The following PIK3C2G variants were observed in gnomAD, a reference collection of about 807,000 sequenced individuals.
PIK3C2G encodes phosphatidylinositol-4-phosphate 3-kinase catalytic subunit type 2 gamma, also known as phosphatidylinositol 3-kinase C2 domain-containing subunit gamma.
A neutral mutation model predicts 181.1 loss-of-function variants in PIK3C2G; 168 were observed. That is an observed-to-expected ratio of 0.93 (90% CI 0.82 to 1.05). The LOEUF (loss-of-function observed/expected upper bound fraction) is 1.05, where lower values mean the gene tolerates loss of function less well. Among genes scored for constraint, PIK3C2G ranks in the 50% least tolerant of loss-of-function variants. The pLI, the probability that PIK3C2G is intolerant of heterozygous loss-of-function variation, is 0.00. For missense variants in PIK3C2G, 1,869 were observed against 1,732.8 expected (o/e 1.08, Z -1.40); for synonymous variants, 573 against 592.2 (o/e 0.97, Z 0.47).
intron 18 of PIK3C2G, among the ~76,000 whole-genome samples, chr12:18,481,089 C>T (rs778476902): frequency 1.2e-4 from 15 of 121,454 alleles, no homozygotes; most frequent in Non-Finnish European, 2.6e-4. Context: ...CATGCCACCA[C>T]ATCCAGCTAA....
chr12:18,724,065 T>A, the PIK3C2G span, among the ~76,000 whole-genome samples: 3 of 151,996 alleles, frequency 2.0e-5, no homozygotes, highest in East Asian at 3.9e-4. Context: ...ATTCGAAAGG[T>A]CATATTTGAA....
intron 31 of PIK3C2G, among the ~76,000 whole-genome samples, chr12:18,615,875 A>G (rs1347373851): frequency 6.6e-6 from 1 of 152,082 alleles, no homozygotes; most frequent in East Asian, 1.9e-4. Context: ...GAGTCTCTGT[A>G]AACTTGAAAT....
rs750817892 is a variant in PIK3C2G at position 18,491,467 on chromosome 12, A to T, written c.2702A>T (p.Glu901Val). 9 of 1,589,070 alleles carry T rather than the reference A, an allele frequency of 5.7e-6. 1 individual carries two copies. The South Asian group carries it at 1.0e-4, about 18-fold the overall frequency. Residue 901 changes from glutamate (E) to valine (V), a missense_variant, in exon 20 of 33, where the codon GAA becomes GTA. Physicochemically the swap from Glu to Val is moderately radical, Grantham distance 121. Transcript: ENST00000538779. Reference protein sequence around the residue: ...DHQRQEVLKKEIGRLEEFFQD... With the variant: ...DHQRQEVLKKVIGRLEEFFQD... The stretch of plus-strand genomic sequence containing the variant: ...TTTTCACAGGAGGTACTGAAGAAAG[A>T]AATTGGCAGACTAGAAGAGTTCTTT...
At chr12:18,500,467 G>T (rs541471060) in intron 22 of PIK3C2G, among the ~76,000 whole-genome samples, 2 of 152,150 alleles carry the variant, frequency 1.3e-5, no homozygotes, top group African/African-American at 2.4e-5. Flanking sequence ...CCTCCCCTAC[G>T]AGCGCGGCCC....
chr12:18,410,626 A>G (rs1343185771), intron 16 of PIK3C2G, among the ~76,000 whole-genome samples: 1 of 152,128 alleles, frequency 6.6e-6, no homozygotes, highest in Non-Finnish European at 1.5e-5. Context: ...AGAGACTCCA[A>G]TTTGTTTTGT....
At chr12:18,566,516 G>C (rs115131835) in intron 28 of PIK3C2G, among the ~76,000 whole-genome samples, 1 of 152,152 alleles carries the variant, frequency 6.6e-6, no homozygotes, top group East Asian at 1.9e-4. Flanking sequence ...GCAGATGGAC[G>C]CATATGTCAC....
chr12:18,568,521 G>A (rs536078297), intron 29 of PIK3C2G, among the ~76,000 whole-genome samples: 6 of 152,092 alleles, frequency 3.9e-5, no homozygotes, highest in African/African-American at 1.2e-4. Context: ...CTGGCAGGCC[G>A]GAGACCAGAG....
chr12:18,292,227 A>AAAAAATATATATATATAT, intron 4 of PIK3C2G, among the ~76,000 whole-genome samples: 5 of 48,730 alleles, frequency 1.0e-4, no homozygotes, highest in African/African-American at 4.4e-4. Context: ...AAAAAAAAAA[A>AAAAAATATATATATATAT]ATATATATAT....
chr12:18,250,879 T>C (rs1329753782), intron 1 of PIK3C2G, among the ~76,000 whole-genome samples: 1 of 152,022 alleles, frequency 6.6e-6, no homozygotes, highest in African/African-American at 2.4e-5. Context: ...TGTATTATAC[T>C]CAAAATATAC....
chr12:18,378,927 T>C (rs1293085538), intron 13 of PIK3C2G, among the ~76,000 whole-genome samples: 3 of 152,190 alleles, frequency 2.0e-5, no homozygotes, highest in African/African-American at 7.2e-5. Flanking sequence ...GACTGTAAAC[T>C]GGTTCAACCA....
chr12:18,324,213 C>T (rs1358244494), intron 7 of PIK3C2G, among the ~76,000 whole-genome samples: 2 of 150,232 alleles, frequency 1.3e-5, no homozygotes, highest in Non-Finnish European at 3.0e-5. Context: ...AGCGACACTC[C>T]GTCTCAAAAA....
intron 31 of PIK3C2G, among the ~76,000 whole-genome samples, chr12:18,626,646 C>T (rs575008990): frequency 4.6e-5 from 7 of 152,016 alleles, no homozygotes; most frequent in African/African-American, 1.7e-4. Flanking sequence ...GTTTTTATTT[C>T]TTCCTTATTT....
At chr12:18,691,398 C>A in the PIK3C2G span, among the ~76,000 whole-genome samples, 1 of 151,980 alleles carries the variant, frequency 6.6e-6, no homozygotes, top group Non-Finnish European at 1.5e-5. Context: ...AAATCATGTC[C>A]AATTAAAGAC....
At chr12:18,650,704 GTATATATCTATA>G (rs1950448759), downstream of PIK3C2G, among the ~76,000 whole-genome samples, 298 of 57,738 alleles carry the variant, frequency 5.2e-3, 7 homozygotes, top group African/African-American at 0.014. Context: ...GTGTGTGTGT[GTATATATCTATA>G]TATATATATA....
the PIK3C2G span, among the ~76,000 whole-genome samples, chr12:18,708,832 G>T: frequency 6.6e-6 from 1 of 151,918 alleles, no homozygotes; most frequent in Non-Finnish European, 1.5e-5. Flanking sequence ...TGCCTATTCA[G>T]GTTTTTTGTT....
At chr12:18,643,547 A>AT (rs968723609) in intron 32 of PIK3C2G, among the ~76,000 whole-genome samples, 2 of 151,708 alleles carry the variant, frequency 1.3e-5, no homozygotes, top group Admixed American at 1.3e-4. Context: ...GGTTAATTTA[A>AT]TTTTTTTCAT....
chr12:18,570,098 A>G (rs944828893), intron 29 of PIK3C2G, among the ~76,000 whole-genome samples: 1 of 152,132 alleles, frequency 6.6e-6, no homozygotes, highest in African/African-American at 2.4e-5. Flanking sequence ...CCCTACCTCA[A>G]TGTCATAAAT....
intron 25 of PIK3C2G, among the ~76,000 whole-genome samples, chr12:18,543,157 T>A (rs1046534960): frequency 6.6e-6 from 1 of 152,046 alleles, no homozygotes; most frequent in African/African-American, 2.4e-5. Flanking sequence ...TTGAGCTTTT[T>A]TTCATATGCT....
intron 5 of PIK3C2G, among the ~76,000 whole-genome samples, chr12:18,307,657 C>T (rs1950474992): frequency 6.6e-6 from 1 of 151,826 alleles, no homozygotes; most frequent in Non-Finnish European, 1.5e-5. Context: ...GTATGGTAAC[C>T]TTTCTTCTTA....
Sources: gnomAD v4.1 joint callset for allele counts (sites outside exome capture counted in the v4.1 genomes callset) on GRCh38, gnomAD v4.1.1 for gene constraint, MANE v1.5 for transcripts, NCBI Gene and HGNC (gene_info 2026-07-23, HGNC 2026-07-21) for gene names.